The following MAGI2 variants were observed in gnomAD, a reference collection of about 807,000 sequenced individuals.
The protein encoded by MAGI2 is membrane-associated guanylate kinase, WW and PDZ domain-containing protein 2.
A neutral mutation model predicts 133.3 loss-of-function variants in MAGI2; 35 were observed. The observed-to-expected ratio is 0.26, with a 90% confidence interval of 0.20 to 0.35. MAGI2 has a LOEUF of 0.35. MAGI2 is among the 10% of genes least tolerant of loss of function. The pLI, the probability that MAGI2 is intolerant of heterozygous loss-of-function variation, is 1.00. For missense variants in MAGI2, 1,636 were observed against 1,863.4 expected (o/e 0.88, Z 2.25); for synonymous variants, 729 against 710.6 (o/e 1.03, Z -0.41).
chr7:78,933,017 T>A (rs1800251374), intron 2 of MAGI2, among the ~76,000 whole-genome samples: 1 of 152,106 alleles, frequency 6.6e-6, no homozygotes, highest in Non-Finnish European at 1.5e-5. Context: ...ATCCTTGCTA[T>A]TTTCAAGGAG....
At chr7:78,031,944 A>G (rs925226922) in intron 21 of MAGI2, among the ~76,000 whole-genome samples, 1 of 151,648 alleles carries the variant, frequency 6.6e-6, no homozygotes, top group African/African-American at 2.4e-5. Flanking sequence ...TTCTAGACTA[A>G]GGCCTCATAA....
intron 21 of MAGI2, among the ~76,000 whole-genome samples, chr7:78,040,291 G>T (rs1048094595): frequency 6.6e-6 from 1 of 152,166 alleles, no homozygotes; most frequent in Non-Finnish European, 1.5e-5. Flanking sequence ...GCCGGAGTGA[G>T]AGCTGAATTC....
chr7:79,027,627 C>G (rs1810030322), intron 1 of MAGI2, among the ~76,000 whole-genome samples: 1 of 152,062 alleles, frequency 6.6e-6, no homozygotes, highest in African/African-American at 2.4e-5. Flanking sequence ...GGTGAATGTA[C>G]TTAACAACAG....
At chr7:78,676,588 C>G (rs1815055491) in intron 2 of MAGI2, among the ~76,000 whole-genome samples, 1 of 152,088 alleles carries the variant, frequency 6.6e-6, no homozygotes, top group Non-Finnish European at 1.5e-5. Flanking sequence ...GAAGGGAAAA[C>G]TACAGATTAT....
chr7:79,178,924 T>C (rs1261515517), intron 1 of MAGI2, among the ~76,000 whole-genome samples: 1 of 152,074 alleles, frequency 6.6e-6, no homozygotes, highest in East Asian at 1.9e-4. Flanking sequence ...TAATCCAGCA[T>C]GTCTACATAG....
chr7:78,869,151 G>A (rs779351143), intron 2 of MAGI2, among the ~76,000 whole-genome samples: 8 of 152,168 alleles, frequency 5.3e-5, no homozygotes, highest in African/African-American at 1.9e-4. Flanking sequence ...CCTTTGTCAG[G>A]TGCATAGTTA....
At chr7:78,743,929 T>A (rs576124915) in intron 2 of MAGI2, among the ~76,000 whole-genome samples, 7 of 152,326 alleles carry the variant, frequency 4.6e-5, no homozygotes, top group Non-Finnish European at 5.9e-5. Context: ...AGCCCCTAAC[T>A]TCCTCTTTGA....
chr7:78,572,083 A>C (rs765293147), intron 3 of MAGI2, among the ~76,000 whole-genome samples: 19 of 152,212 alleles, frequency 1.2e-4, no homozygotes, highest in Non-Finnish European at 2.4e-4. Context: ...CAAATTAAAA[A>C]AAGAATTCTA....
chr7:78,629,319 C>T (rs1468076694), intron 2 of MAGI2, among the ~76,000 whole-genome samples: 1 of 152,190 alleles, frequency 6.6e-6, no homozygotes, highest in Non-Finnish European at 1.5e-5. Flanking sequence ...AGTTCACCTA[C>T]CTCATTGTGG....
At chr7:78,991,089 G>A (rs527683516) in intron 2 of MAGI2, among the ~76,000 whole-genome samples, 4 of 151,838 alleles carry the variant, frequency 2.6e-5, no homozygotes, top group East Asian at 3.9e-4. Context: ...GAGCTCTCAC[G>A]AGATCTGATG....
At chr7:78,737,667 G>T (rs1036939224) in intron 2 of MAGI2, among the ~76,000 whole-genome samples, 2 of 152,028 alleles carry the variant, frequency 1.3e-5, no homozygotes, top group African/African-American at 4.8e-5. Context: ...AAATAAGTTT[G>T]CAAAAAATAT....
At chr7:79,352,966 G>A (rs570175132) in intron 1 of MAGI2, among the ~76,000 whole-genome samples, 1 of 152,068 alleles carries the variant, frequency 6.6e-6, no homozygotes, top group East Asian at 1.9e-4. Context: ...GTGCCTTTAC[G>A]TACTTTAACT....
intron 1 of MAGI2, among the ~76,000 whole-genome samples, chr7:79,056,448 T>C (rs1284582038): frequency 6.6e-6 from 1 of 152,172 alleles, no homozygotes; most frequent in African/African-American, 2.4e-5. Flanking sequence ...AGTCTTAATT[T>C]AGACAACCCA....
At position 79,182,381 on chromosome 7, in the gene MAGI2, A is replaced by C. The variant is rs563300174; in HGVS notation, c.302-175175T>G. Among the ~76,000 whole-genome samples the C allele has an allele frequency of 7.1e-4, 108 of 152,026 alleles. 1 individual carries two copies. Among genetic ancestry groups the C allele is most frequent in the African/African-American group, 2.5e-3 (102 of 41,396 alleles). On this transcript the variant is annotated intron_variant, in intron 1 of 21. Transcript: ENST00000354212. ...GAAAAAAGAGAGCCTGTACAGAGAA[A>C]CTTCCCTTTTTAAAACCATCAGATC... is the stretch of plus-strand genomic sequence containing the variant.
intron 6 of MAGI2, among the ~76,000 whole-genome samples, chr7:78,405,156 T>G (rs1050841901): frequency 2.0e-5 from 3 of 152,082 alleles, no homozygotes; most frequent in Non-Finnish European, 4.4e-5. Flanking sequence ...GAATATAGAT[T>G]CAACTTTTTA....
intron 1 of MAGI2, among the ~76,000 whole-genome samples, chr7:79,145,852 ACACTAATAGAGTGT>A (rs1822566850): frequency 6.6e-6 from 1 of 152,252 alleles, no homozygotes. Context: ...TGGTCACTGG[ACACTAATAGAGTGT>A]CATGCATCCA....
chr7:78,247,601 C>A (rs1353528082), intron 10 of MAGI2, among the ~76,000 whole-genome samples: 2 of 151,558 alleles, frequency 1.3e-5, no homozygotes, highest in African/African-American at 4.9e-5. Context: ...AGATGGATAT[C>A]TAAAAAAGAA....
At chr7:78,973,226 A>C (rs1803941779) in intron 2 of MAGI2, among the ~76,000 whole-genome samples, 1 of 151,862 alleles carries the variant, frequency 6.6e-6, no homozygotes, top group Non-Finnish European at 1.5e-5. Flanking sequence ...AAAGCACACA[A>C]TTAGATTTTC....
At chr7:78,222,095 A>G (rs1186177607) in intron 10 of MAGI2, among the ~76,000 whole-genome samples, 1 of 151,968 alleles carries the variant, frequency 6.6e-6, no homozygotes, top group Non-Finnish European at 1.5e-5. Flanking sequence ...AAAGCGCTGG[A>G]CATTCAGGAG....
Sources: gnomAD v4.1 joint callset for allele counts (sites outside exome capture counted in the v4.1 genomes callset) on GRCh38, gnomAD v4.1.1 for gene constraint, MANE v1.5 for transcripts, NCBI Gene and HGNC (gene_info 2026-07-23, HGNC 2026-07-21) for gene names.